The following BCKDHB variants were observed in gnomAD, a reference collection of about 807,000 sequenced individuals.
BCKDHB encodes the protein branched chain keto acid dehydrogenase E1 subunit beta, also known as 2-oxoisovalerate dehydrogenase subunit beta, mitochondrial.
A neutral mutation model predicts 48.5 loss-of-function variants in BCKDHB; 41 were observed. That is an observed-to-expected ratio of 0.85 (90% CI 0.66 to 1.10). The LOEUF is 1.10. BCKDHB is among the 50% of genes least tolerant of loss of function. The probability of loss-of-function intolerance (pLI) is 0.00; values close to 1 mark genes in which losing one functional copy is unlikely to be tolerated. For missense variants in BCKDHB, 496 were observed against 494.2 expected, an observed-to-expected ratio of 1.00 and a Z score of -0.03; for synonymous variants, 201 against 174.8, an observed-to-expected ratio of 1.15 and a Z score of -1.18.
chr6:80,452,869 A>G, the BCKDHB span, among the ~76,000 whole-genome samples: 1 of 152,228 alleles, frequency 6.6e-6, no homozygotes, highest in Non-Finnish European at 1.5e-5. Flanking sequence ...ATGACTTTGT[A>G]CAACCTAATA....
At chr6:80,447,727 G>A in the BCKDHB span, among the ~76,000 whole-genome samples, 1 of 151,942 alleles carries the variant, frequency 6.6e-6, no homozygotes, top group Admixed American at 6.6e-5. Flanking sequence ...TGGGAGTGGG[G>A]GAAGTCTGAC....
intron 9 of BCKDHB, among the ~76,000 whole-genome samples, chr6:80,322,262 G>A (rs1768776993): frequency 1.7e-5 from 2 of 121,210 alleles, no homozygotes; most frequent in African/African-American, 2.8e-5. Context: ...TTTTGGTGAC[G>A]GAGTCGCACT....
intron 3 of BCKDHB, among the ~76,000 whole-genome samples, chr6:80,149,058 T>C (rs1288646574): frequency 7.9e-5 from 12 of 152,166 alleles, no homozygotes; most frequent in South Asian, 2.1e-4. Context: ...AGAAAATTTT[T>C]GCAACCTACT....
At chr6:80,362,345 A>G in the BCKDHB span, among the ~76,000 whole-genome samples, 1 of 152,194 alleles carries the variant, frequency 6.6e-6, no homozygotes, top group Admixed American at 6.5e-5. Flanking sequence ...CAGAGTGTAC[A>G]CCAATGCTTT....
intron 9 of BCKDHB, among the ~76,000 whole-genome samples, chr6:80,340,101 AT>A: frequency 6.6e-6 from 1 of 152,226 alleles, no homozygotes; most frequent in East Asian, 1.9e-4. Context: ...TATTAACATA[AT>A]TTAGAATGAA....
At chr6:80,295,866 T>G (rs1255517221) in intron 9 of BCKDHB, among the ~76,000 whole-genome samples, 1 of 152,004 alleles carries the variant, frequency 6.6e-6, no homozygotes, top group Non-Finnish European at 1.5e-5. Context: ...GGATCCCTCC[T>G]ATGACACGTG....
At position 80,129,152 on chromosome 6, in the gene BCKDHB, G is replaced by C; in HGVS notation, c.275-9G>C. On this transcript the variant is annotated splice_polypyrimidine_tract_variant and intron_variant, in intron 2 of 9. Transcript: ENST00000320393. ...AAATAAAATGTATTATTTAAATACT[G>C]TTTTTCAGTAATATTTGGTGAAGAT... 6.3e-7 allele frequency: 1 copy of C among 1,593,272 alleles called. No individual in the cohort carries two copies. Among genetic ancestry groups the C allele is most frequent in the Non-Finnish European group, 8.6e-7 (1 of 1,163,428 alleles).
chr6:80,374,471 G>A, the BCKDHB span: 2 of 753,988 alleles, frequency 2.7e-6, no homozygotes, highest in South Asian at 2.7e-5. Context: ...TGATGGCCTG[G>A]GCAGTTTCAC....
At chr6:80,271,289 T>C (rs1307222019) in intron 8 of BCKDHB, among the ~76,000 whole-genome samples, 1 of 152,156 alleles carries the variant, frequency 6.6e-6, no homozygotes, top group Non-Finnish European at 1.5e-5. Context: ...TGCATAATAC[T>C]CTACTATGTT....
At position 80,227,519 on chromosome 6, in the gene BCKDHB, C is replaced by A. The variant is rs375277340; in HGVS notation, c.951+24307C>A. Among the ~76,000 whole-genome samples the A allele has an allele frequency of 3.2e-4, 49 of 152,244 alleles. 1 individual carries two copies. The highest frequency in any genetic ancestry group is 1.1e-3 in the African/African-American group (46 of 41,544). On this transcript the variant is annotated intron_variant, in intron 8 of 9. Transcript: ENST00000320393. ...GCTCACTCTGAAAAGTATTTGGGTTCCAGTTTACATAAATTTAATTCCAGT... is the reference window on the plus strand; with the variant it reads ...GCTCACTCTGAAAAGTATTTGGGTTACAGTTTACATAAATTTAATTCCAGT...
At chr6:80,265,349 ATACAG>A (rs771223757) in intron 8 of BCKDHB, among the ~76,000 whole-genome samples, 10 of 152,164 alleles carry the variant, frequency 6.6e-5, no homozygotes, top group Non-Finnish European at 1.3e-4. Flanking sequence ...TGATATATAC[ATACAG>A]TGGGATATTA....
chr6:80,211,730 A>G (rs959924622), intron 8 of BCKDHB, among the ~76,000 whole-genome samples: 1 of 152,082 alleles, frequency 6.6e-6, no homozygotes, highest in East Asian at 1.9e-4. Context: ...TGCCCCCAAC[A>G]TTTCAACATA....
intron 9 of BCKDHB, among the ~76,000 whole-genome samples, chr6:80,313,054 G>A (rs1343603598): frequency 6.6e-6 from 1 of 152,108 alleles, no homozygotes; most frequent in Non-Finnish European, 1.5e-5. Flanking sequence ...AATCCATCTG[G>A]TCCTGGGCTT....
chr6:80,342,296 G>A (rs1769944631), intron 9 of BCKDHB, among the ~76,000 whole-genome samples: 1 of 151,980 alleles, frequency 6.6e-6, no homozygotes, highest in African/African-American at 2.4e-5. Context: ...TATAAAGCAA[G>A]GCAATGTGTA....
At chr6:80,112,631 C>T (rs1769469336) in intron 1 of BCKDHB, among the ~76,000 whole-genome samples, 1 of 152,214 alleles carries the variant, frequency 6.6e-6, no homozygotes, top group South Asian at 2.1e-4. Flanking sequence ...AAACAAGCCC[C>T]AAGAGTGTCC....
chr6:80,387,531 T>A, the BCKDHB span, among the ~76,000 whole-genome samples: 1 of 152,202 alleles, frequency 6.6e-6, no homozygotes, highest in Admixed American at 6.5e-5. Context: ...AGAATGACAG[T>A]GGATTATCAT....
At chr6:80,274,477 G>A (rs1777887691) in intron 9 of BCKDHB, among the ~76,000 whole-genome samples, 1 of 151,770 alleles carries the variant, frequency 6.6e-6, no homozygotes, top group African/African-American at 2.4e-5. Flanking sequence ...AAAGATTAGG[G>A]CAATCATTTC....
intron 8 of BCKDHB, among the ~76,000 whole-genome samples, chr6:80,229,607 A>G (rs1218501738): frequency 6.6e-6 from 1 of 152,138 alleles, no homozygotes; most frequent in Non-Finnish European, 1.5e-5. Context: ...AAAATTGAAG[A>G]GTTGTTATTA....
chr6:80,249,373 A>G (rs1472608505), intron 8 of BCKDHB, among the ~76,000 whole-genome samples: 1 of 152,136 alleles, frequency 6.6e-6, no homozygotes, highest in Non-Finnish European at 1.5e-5. Context: ...GATATTTAGG[A>G]AGCAGTTTAC....
Sources: gnomAD v4.1 joint callset for allele counts (sites outside exome capture counted in the v4.1 genomes callset) on GRCh38, gnomAD v4.1.1 for gene constraint, MANE v1.5 for transcripts, NCBI Gene and HGNC (gene_info 2026-07-23, HGNC 2026-07-21) for gene names.